Variants in LRRC4C observed in about 807,000 individuals in gnomAD.
The protein encoded by LRRC4C is leucine rich repeat containing 4C.
Under a neutral mutation model 33.6 loss-of-function variants are expected in LRRC4C, and 5 were observed. The observed-to-expected ratio is 0.15, with a 90% CI of 0.08 to 0.31. The LOEUF (loss-of-function observed/expected upper bound fraction) is 0.31, where lower values mean the gene tolerates loss of function less well. Ranked by LOEUF, LRRC4C falls within the 10% of genes least tolerant of loss-of-function variation. The pLI is 1.00. For missense variants in LRRC4C, 560 were observed against 796.7 expected (o/e 0.70, Z 3.58); for synonymous variants, 329 against 302.0 (o/e 1.09, Z -0.93).
At chr11:41,113,790 T>C (rs1187046931) in intron 1 of LRRC4C, among the ~76,000 whole-genome samples, 1 of 152,092 alleles carries the variant, frequency 6.6e-6, no homozygotes, top group Non-Finnish European at 1.5e-5. Flanking sequence ...TCATGAGTTT[T>C]TTTTTTAACA....
intron 2 of LRRC4C, among the ~76,000 whole-genome samples, chr11:40,841,513 T>C (rs1433156382): frequency 6.6e-6 from 1 of 152,162 alleles, no homozygotes. Flanking sequence ...CAGAGTTCAC[T>C]TTTTCTTTCT....
At chr11:40,980,219 G>A (rs1433238749) in intron 1 of LRRC4C, among the ~76,000 whole-genome samples, 1 of 152,110 alleles carries the variant, frequency 6.6e-6, no homozygotes, top group Non-Finnish European at 1.5e-5. Context: ...AATGCCATCA[G>A]TTTCCTTCAA....
At position 41,153,168 on chromosome 11, in the gene LRRC4C, CTCCCTTAAAGAATCTGAT is replaced by C. The variant is rs1300797618; in HGVS notation, c.-495-219463_-495-219446del. On this transcript the variant is annotated intron_variant, in intron 1 of 6. Coordinates refer to ENST00000528697, the MANE Select transcript of LRRC4C (RefSeq NM_001258419.2). ...TCCAAGCTGCCTTATGAAGTCTCTA[CTCCCTTAAAGAATCTGAT>C]TAAAACTGTCATTTCCATGAAAAAA... is the stretch of plus-strand genomic sequence containing the variant. 2.6e-5 allele frequency among the ~76,000 whole-genome samples: 4 copies of C among 152,224 alleles called. No homozygotes were observed. The East Asian group carries it at 7.7e-4, about 29-fold the overall frequency.
intron 2 of LRRC4C, among the ~76,000 whole-genome samples, chr11:40,931,669 G>A (rs868124868): frequency 3.3e-5 from 5 of 152,132 alleles, no homozygotes; most frequent in Non-Finnish European, 2.9e-5. Flanking sequence ...GTATGTGTGT[G>A]TGTGTGTGTA....
intron 1 of LRRC4C, among the ~76,000 whole-genome samples, chr11:41,311,876 C>CA (rs985744288): frequency 1.3e-5 from 2 of 152,086 alleles, no homozygotes; most frequent in African/African-American, 4.8e-5. Flanking sequence ...TGTATTGTGA[C>CA]AATCAGTGGA....
At chr11:40,496,582 A>G (rs1477710983) in intron 3 of LRRC4C, among the ~76,000 whole-genome samples, 1 of 152,186 alleles carries the variant, frequency 6.6e-6, no homozygotes, top group South Asian at 2.1e-4. Context: ...ACTCAGAGGG[A>G]AAATATACCA....
chr11:40,974,034 T>C (rs1851910718), intron 1 of LRRC4C, among the ~76,000 whole-genome samples: 1 of 152,166 alleles, frequency 6.6e-6, no homozygotes. Context: ...CCTGGGGAAA[T>C]GCTTTATTAT....
intron 2 of LRRC4C, among the ~76,000 whole-genome samples, chr11:40,750,183 C>G (rs1387440703): frequency 6.6e-6 from 1 of 152,096 alleles, no homozygotes; most frequent in Non-Finnish European, 1.5e-5. Flanking sequence ...GATCATGCCA[C>G]TGCACCCCAA....
intron 1 of LRRC4C, among the ~76,000 whole-genome samples, chr11:41,167,773 T>A (rs1304257905): frequency 1.3e-5 from 2 of 152,068 alleles, no homozygotes; most frequent in African/African-American, 4.8e-5. Context: ...AGCCTCACAC[T>A]CCCCAGTCAT....
intron 2 of LRRC4C, among the ~76,000 whole-genome samples, chr11:40,893,069 T>G (rs1411390031): frequency 2.6e-5 from 4 of 152,062 alleles, no homozygotes; most frequent in Non-Finnish European, 4.4e-5. Flanking sequence ...TCCTGTCACT[T>G]ACAGCAATAT....
At position 40,865,568 on chromosome 11, in the gene LRRC4C, T is replaced by G. The variant is rs7107695; in HGVS notation, c.-407+68067A>C. Among the ~76,000 whole-genome samples, 658 of 151,458 alleles carry G rather than the reference T, an allele frequency of 4.3e-3. 2 individuals carry two copies. The highest frequency in any genetic ancestry group is 0.015 in the African/African-American group (616 of 41,352). On this transcript the variant is annotated intron_variant, in intron 2 of 6. Transcript: ENST00000528697. ...CATCATGTTGTATGTGATGAATATG[T>G]GTAATTTTATCTCTCAGTTTCAAAA...
At chr11:40,830,414 T>C (rs1489572377) in intron 2 of LRRC4C, among the ~76,000 whole-genome samples, 1 of 152,126 alleles carries the variant, frequency 6.6e-6, no homozygotes, top group African/African-American at 2.4e-5. Context: ...AACTGCAGAC[T>C]CTACGCTCCT....
chr11:41,220,442 CG>C (rs1190006382), intron 1 of LRRC4C, among the ~76,000 whole-genome samples: 3 of 148,652 alleles, frequency 2.0e-5, no homozygotes, highest in African/African-American at 7.4e-5. Flanking sequence ...CTTTTTTTGG[CG>C]GGGGGGTGTT....
At chr11:40,888,545 A>G (rs929501075) in intron 2 of LRRC4C, among the ~76,000 whole-genome samples, 4 of 151,978 alleles carry the variant, frequency 2.6e-5, no homozygotes, top group Non-Finnish European at 5.9e-5. Flanking sequence ...AATGATTCCC[A>G]CTTATTTGGA....
chr11:40,881,299 A>G (rs1441861964), intron 2 of LRRC4C, among the ~76,000 whole-genome samples: 1 of 152,114 alleles, frequency 6.6e-6, no homozygotes, highest in African/African-American at 2.4e-5. Context: ...AACAGCATAC[A>G]TTTTTTGTTG....
chr11:41,231,295 C>G (rs1035252998), intron 1 of LRRC4C, among the ~76,000 whole-genome samples: 7 of 152,036 alleles, frequency 4.6e-5, no homozygotes, highest in Non-Finnish European at 1.0e-4. Context: ...AATCATGCTG[C>G]TATAAAGACA....
intron 5 of LRRC4C, among the ~76,000 whole-genome samples, chr11:40,230,944 C>A (rs7932779): frequency 0.059 from 9,030 of 152,184 alleles, 872 homozygotes; most frequent in African/African-American, 0.2. Flanking sequence ...GTGTTCATGC[C>A]ATTTTATTGC....
At chr11:40,733,038 A>T in intron 2 of LRRC4C, among the ~76,000 whole-genome samples, 1 of 140,114 alleles carries the variant, frequency 7.1e-6, no homozygotes, top group African/African-American at 2.7e-5. Context: ...GTCTGCCTGG[A>T]TCCAAAACCA....
intron 2 of LRRC4C, among the ~76,000 whole-genome samples, chr11:40,857,918 A>T (rs1036308734): frequency 1.3e-5 from 2 of 150,412 alleles, no homozygotes; most frequent in African/African-American, 5.0e-5. Flanking sequence ...CTACCAAAAA[A>T]AAGAAAGAAA....
Sources: allele counts gnomAD v4.1 joint callset (sites outside exome capture counted in the v4.1 genomes callset), GRCh38; gene constraint gnomAD v4.1.1; transcripts MANE v1.5; gene names NCBI Gene and HGNC (gene_info 2026-07-23, HGNC 2026-07-21).